The following VIL1 variants were observed in gnomAD, a reference collection of about 807,000 sequenced individuals.
VIL1 encodes villin-1.
Under a neutral mutation model 104.0 loss-of-function variants are expected in VIL1, and 86 were observed. The ratio of observed to expected loss-of-function variants is 0.83; its 90% CI spans 0.69 to 0.99. VIL1 has a LOEUF of 0.99. Ranked by LOEUF, VIL1 falls within the 50% of genes least tolerant of loss-of-function variation. VIL1 has a pLI of 0.00. For missense variants in VIL1, 944 were observed against 1,054.1 expected (o/e 0.90, Z 1.45); for synonymous variants, 394 against 412.6 (o/e 0.95, Z 0.55).
rs1031230916 is a variant in VIL1 at position 218,432,084 on chromosome 2, T to C, written c.1242T>C (p.Asp414=). The C allele has an allele frequency of 1.9e-6, 3 of 1,614,082 alleles. No individual in the cohort carries two copies. In the African/African-American group the frequency reaches 4.0e-5, roughly 22 times the overall value. Reference sequence around the variant, plus strand: ...AGAACCTAGAGCTGGTACCTGTGGATTCCAAGTGGCTAGGCCACTTCTATG... The same window carrying C: ...AGAACCTAGAGCTGGTACCTGTGGACTCCAAGTGGCTAGGCCACTTCTATG... ...RIENLELVPV[D]SKWLGHFYGG... is the part of the protein sequence containing the mutation. The change falls in exon 12 of 20, where the codon GAT becomes GAC. Residue 414 remains aspartate, a synonymous_variant. Coordinates refer to ENST00000248444, the MANE Select transcript of VIL1 (RefSeq NM_007127.3).
At chr2:218,423,040 C>T (rs934790546) in intron 1 of VIL1, among the ~76,000 whole-genome samples, 3 of 152,214 alleles carry the variant, frequency 2.0e-5, no homozygotes, top group African/African-American at 4.8e-5. Flanking sequence ...AGCATCAGCA[C>T]GTTCCGAAGC....
rs369544868 is a variant in VIL1 at position 218,425,641 on chromosome 2, C to T, written c.177C>T (p.Ser59=). 232 of 1,614,090 alleles carry T rather than the reference C, an allele frequency of 1.4e-4. No homozygotes were observed. The highest frequency in any genetic ancestry group is 1.8e-4 in the Non-Finnish European group (215 of 1,180,054). The change falls in exon 4 of 20, where the codon TCC becomes TCT. Residue 59 remains serine, a synonymous_variant. Transcript: ENST00000248444. ...TCCACAAGACAGCCAGCAGCCTGTC[C>T]TATGACATCCACTACTGGATTGGCC... ...LAIHKTASSL[S]YDIHYWIGQD...
At chr2:218,430,994 C>T (rs965274684) in intron 10 of VIL1, 116 bp downstream of exon 10, 28 of 1,367,090 alleles carry the variant, frequency 2.0e-5, no homozygotes, top group Admixed American at 8.9e-5. Flanking sequence ...AAGACTTTTA[C>T]GCTGGCTCTG....
At chr2:218,431,980 G>A (rs776940552) in intron 11 of VIL1, 23 bp downstream of exon 11, 81 of 1,613,902 alleles carry the variant, frequency 5.0e-5, no homozygotes, top group South Asian at 8.8e-5. Context: ...AGAGAGGCCC[G>A]TGCTGGGTGG....
chr2:218,436,759 A>C, intron 16 of VIL1, 133 bp downstream of exon 16: 1 of 1,183,252 alleles, frequency 8.5e-7, no homozygotes, highest in Non-Finnish European at 1.2e-6. Flanking sequence ...AAATGGTATG[A>C]ACACCAGAAG....
intron 19 of VIL1, 120 bp from the exon 20 acceptor site, chr2:218,449,103 T>G: frequency 1.4e-6 from 1 of 737,444 alleles, no homozygotes. Context: ...TGCTTCTGTT[T>G]ACTCTTCATT....
intron 16 of VIL1, 24 bp from the exon 17 acceptor site, chr2:218,437,100 C>T (rs1232158517): frequency 1.9e-6 from 3 of 1,607,740 alleles, no homozygotes; most frequent in Admixed American, 3.3e-5. Flanking sequence ...GAAGGATGGA[C>T]TGATCCCCTG....
intron 19 of VIL1, among the ~76,000 whole-genome samples, chr2:218,447,527 C>T (rs1689385478): frequency 6.6e-6 from 1 of 151,576 alleles, no homozygotes; most frequent in Non-Finnish European, 1.5e-5. Flanking sequence ...ACCATGTTGC[C>T]CAGGCTGGTC....
chr2:218,446,908 C>G (rs1288036348), intron 19 of VIL1, among the ~76,000 whole-genome samples: 1 of 151,898 alleles, frequency 6.6e-6, no homozygotes, highest in South Asian at 2.1e-4. Context: ...GGATTACAGG[C>G]GCCTGCCACC....
intron 19 of VIL1, among the ~76,000 whole-genome samples, chr2:218,447,227 T>C (rs1333854204): frequency 1.3e-5 from 2 of 152,244 alleles, no homozygotes; most frequent in Non-Finnish European, 2.9e-5. Context: ...GTCTGTTAAC[T>C]TGAGCCAAAG....
intron 14 of VIL1, 47 bp from the exon 15 acceptor site, chr2:218,435,242 G>A (rs773340032): frequency 4.1e-5 from 65 of 1,596,474 alleles, no homozygotes; most frequent in Non-Finnish European, 5.0e-5. Flanking sequence ...GTAGGAGGGT[G>A]GAGGTAGGGG....
At chr2:218,433,478 C>T (rs1689134558) in intron 13 of VIL1, among the ~76,000 whole-genome samples, 1 of 151,970 alleles carries the variant, frequency 6.6e-6, no homozygotes, top group African/African-American at 2.4e-5. Flanking sequence ...TGGCTCTCAC[C>T]TGTAATCCCA....
chr2:218,447,898 G>C (rs1045113680), intron 19 of VIL1, among the ~76,000 whole-genome samples: 1 of 151,960 alleles, frequency 6.6e-6, no homozygotes, highest in Non-Finnish European at 1.5e-5. Context: ...TGCCTAATTT[G>C]TTTTCAGTAT....
chr2:218,419,265 C>G (rs1450368078), intron 1 of VIL1, 97 bp downstream of exon 1: 1 of 152,294 alleles, frequency 6.6e-6, no homozygotes, highest in Non-Finnish European at 1.5e-5. Context: ...CCTGGAGCAC[C>G]TTGGTACGGG....
chr2:218,427,931 C>T, intron 4 of VIL1, 34 bp from the exon 5 acceptor site: 1 of 1,601,778 alleles, frequency 6.2e-7, no homozygotes, highest in African/African-American at 1.3e-5. Flanking sequence ...ACCTCCCAGC[C>T]CACTTCCTTG....
chr2:218,436,742 TC>T (rs775180944), intron 16 of VIL1, 116 bp downstream of exon 16: 8 of 1,321,372 alleles, frequency 6.1e-6, no homozygotes, highest in Non-Finnish European at 8.3e-6. Context: ...ACATAATTTC[TC>T]CCTGGAAATG....
chr2:218,434,197 C>CAAAAAAAA (rs772237911), intron 13 of VIL1, among the ~76,000 whole-genome samples: 8 of 92,122 alleles, frequency 8.7e-5, no homozygotes, highest in African/African-American at 1.2e-4. Context: ...AACTCCGTCT[C>CAAAAAAAA]AAAAAAAAAA....
At chr2:218,419,770 C>T (rs1688869057) in intron 1 of VIL1, among the ~76,000 whole-genome samples, 1 of 152,180 alleles carries the variant, frequency 6.6e-6, no homozygotes, top group Non-Finnish European at 1.5e-5. Context: ...TGCACCTCTG[C>T]CCCATCTCCC....
intron 19 of VIL1, among the ~76,000 whole-genome samples, chr2:218,443,976 G>A (rs902045183): frequency 6.8e-6 from 1 of 147,228 alleles, no homozygotes; most frequent in Non-Finnish European, 1.5e-5. Context: ...TTTTTGTTTT[G>A]TTTTTTGAGA....
Sources: gnomAD v4.1 joint callset for allele counts (sites outside exome capture counted in the v4.1 genomes callset) on GRCh38, gnomAD v4.1.1 for gene constraint, MANE v1.5 for transcripts, NCBI Gene and HGNC (gene_info 2026-07-23, HGNC 2026-07-21) for gene names.